C9: variants seen among roughly 807,000 people sequenced by gnomAD.
The protein encoded by C9 is complement C9, also known as complement component C9.
A neutral mutation model predicts 65.4 loss-of-function variants in C9; 63 were observed. The ratio of observed to expected loss-of-function variants is 0.96; its 90% CI spans 0.79 to 1.19. The LOEUF is 1.19. Among genes scored for constraint, C9 ranks in the 50% most tolerant of loss-of-function variants. The pLI, the probability that C9 is intolerant of heterozygous loss-of-function variation, is 0.00. For missense variants in C9, 744 were observed against 670.1 expected (o/e 1.11, Z -1.22); for synonymous variants, 229 against 227.9 (o/e 1.00, Z -0.04).
At chr5:39,296,737 G>A (rs1421459718) in intron 9 of C9, among the ~76,000 whole-genome samples, 1 of 151,362 alleles carries the variant, frequency 6.6e-6, no homozygotes, top group Non-Finnish European at 1.5e-5. Flanking sequence ...GTACACAATG[G>A]AATACTATTA....
rs1754578434 is a variant in C9, at chr5:39,364,390, G to A, written c.75C>T (p.Thr25=). 6.4e-7 allele frequency: 1 copy of A among 1,572,388 alleles called. No individual in the cohort carries two copies. Among genetic ancestry groups the A allele is most frequent in the African/African-American group, 1.3e-5 (1 of 74,288 alleles). ...EISILTAQYT[T]SYDPELTESS... ...AAGCAGAAAAGTAACTGACTCACCTGGTCGTGTACTGTGCTGTGAGGATGC... is the reference window on the plus strand; with the variant it reads ...AAGCAGAAAAGTAACTGACTCACCTAGTCGTGTACTGTGCTGTGAGGATGC... Residue 25 remains threonine, a splice_region_variant and synonymous_variant, in exon 1 of 11, where the codon ACC becomes ACT. Coordinates refer to ENST00000263408, the MANE Select transcript of C9 (RefSeq NM_001737.5).
In C9 at chr5:39,331,742, C is replaced by G; in HGVS notation, c.549G>C (p.Arg183=). ...ATGTCAGAGTGTTTCCATCCCGATC[C>G]CGGTTACAGAGTCCATTGTAGAACT... ...DNEFYNGLCN[R]DRDGNTLTYY... is the part of the protein sequence containing the mutation. Residue 183 remains arginine (R), a synonymous_variant, in exon 5 of 11, where the codon CGG becomes CGC. Coordinates refer to ENST00000263408, the MANE Select transcript of C9 (RefSeq NM_001737.5). 6.2e-7 allele frequency: 1 copy of G among 1,613,446 alleles called. No individual in the cohort carries two copies. The highest frequency in any genetic ancestry group is 8.5e-7 in the Non-Finnish European group (1 of 1,179,398).
intron 1 of C9, among the ~76,000 whole-genome samples, chr5:39,350,752 A>G (rs1165221400): frequency 6.6e-6 from 1 of 152,180 alleles, no homozygotes; most frequent in Admixed American, 6.5e-5. Context: ...CGCTGCCTGT[A>G]TAGACCCTGC....
At chr5:39,297,712 A>C (rs1201951077) in intron 9 of C9, among the ~76,000 whole-genome samples, 4 of 151,710 alleles carry the variant, frequency 2.6e-5, no homozygotes, top group Non-Finnish European at 5.9e-5. Flanking sequence ...TTTAAAATAC[A>C]TAAAGCTCAA....
rs545968046 is a variant in C9, at chr5:39,307,111, T to A, written c.1241-319A>T. ...CACGGGAACTAAATATGACTTTGGG[T>A]GTAATATATATTTTCTTTTGCAAAC... On this transcript the variant is annotated intron_variant, in intron 8 of 10. Coordinates refer to ENST00000263408, the MANE Select transcript of C9 (RefSeq NM_001737.5). Among the ~76,000 whole-genome samples, 6 of 152,298 alleles carry A rather than the reference T, an allele frequency of 3.9e-5. No homozygotes were observed. In the East Asian group the frequency reaches 7.7e-4, roughly 20 times the overall value.
In C9 at chr5:39,334,025, G is replaced by A. The variant is rs906823463; in HGVS notation, c.477-2211C>T. 5.9e-5 allele frequency among the ~76,000 whole-genome samples: 9 copies of A among 151,768 alleles called. No individual in the cohort carries two copies. In the South Asian group the frequency reaches 6.2e-4, roughly 11 times the overall value. ...AGTGCCGAGATTGCAGCCTCTGCCC[G>A]GCCGCCACCCCGTCTGGGAAGTGAG... is the stretch of plus-strand genomic sequence containing the variant. On this transcript the variant is annotated intron_variant, in intron 4 of 10. Transcript: ENST00000263408.
At chr5:39,286,913 G>T (rs1353108994) in intron 10 of C9, among the ~76,000 whole-genome samples, 1 of 151,924 alleles carries the variant, frequency 6.6e-6, no homozygotes, top group East Asian at 1.9e-4. Context: ...AATTTATATT[G>T]TAAGAGATGA....
chr5:39,295,351 T>C (rs547652412), intron 9 of C9, among the ~76,000 whole-genome samples: 2 of 151,828 alleles, frequency 1.3e-5, no homozygotes, highest in African/African-American at 2.4e-5. Context: ...CAATCGACTT[T>C]AGTAAATCTG....
intron 10 of C9, among the ~76,000 whole-genome samples, chr5:39,288,049 CA>C (rs1753023667): frequency 6.6e-6 from 1 of 151,726 alleles, no homozygotes; most frequent in Admixed American, 6.6e-5. Flanking sequence ...TCTCAGCTTT[CA>C]AAAACACAAA....
At chr5:39,329,211 C>G (rs16868643) in intron 5 of C9, among the ~76,000 whole-genome samples, 4,550 of 152,120 alleles carry the variant, frequency 0.03, 207 homozygotes, top group African/African-American at 0.1. Flanking sequence ...TTGGTCATTA[C>G]TGCTAATTTA....
intron 9 of C9, among the ~76,000 whole-genome samples, chr5:39,296,480 T>C (rs1368833879): frequency 6.6e-6 from 1 of 151,486 alleles, no homozygotes; most frequent in Non-Finnish European, 1.5e-5. Flanking sequence ...AAAAAGGAAC[T>C]CATAACACTG....
Position 39,285,243 on chromosome 5 carries a change from A to G in C9, c.1646-10T>C, listed in dbSNP as rs1336740355. On this transcript the variant is annotated splice_polypyrimidine_tract_variant and intron_variant, in intron 10 of 10. Transcript: ENST00000263408. ...TCTAGGGCTGGCAATCCTAGAGAAA[A>G]CAAATAAGTATCAAATCTTAATCAT... 1.8e-5 allele frequency: 29 copies of G among 1,610,084 alleles called. No homozygotes were observed. Among genetic ancestry groups the G allele is most frequent in the Admixed American group, 3.3e-5 (2 of 59,904 alleles).
At chr5:39,346,273 G>A (rs1754192503) in intron 1 of C9, among the ~76,000 whole-genome samples, 1 of 152,056 alleles carries the variant, frequency 6.6e-6, no homozygotes, top group Non-Finnish European at 1.5e-5. Context: ...TAGACCACTA[G>A]CAAGACTAAT....
In C9 at chr5:39,311,515, G is replaced by A. The variant is rs73749497; in HGVS notation, c.871-138C>T. On this transcript the variant is annotated intron_variant, in intron 6 of 10. Transcript: ENST00000263408. The stretch of plus-strand genomic sequence containing the variant: ...GAGATACCACTCTAATCCACCAGAA[G>A]GGCTAAATGTAAAATACTATCAACA... 5.6e-4 allele frequency: 423 copies of A among 752,906 alleles called. 1 individual carries two copies. In the African/African-American group the frequency reaches 6.4e-3, roughly 11 times the overall value. 46.6% of individuals were successfully genotyped at this position (752,906 alleles called of 1,614,324 possible). A position where few individuals can be genotyped will look rare whatever the true frequency, so the allele number is the denominator to read the frequency against.
At position 39,299,544 on chromosome 5, in the gene C9, C is replaced by T. The variant is rs558618815; in HGVS notation, c.1416+7073G>A. Among the ~76,000 whole-genome samples the T allele has an allele frequency of 1.8e-4, 27 of 152,094 alleles. No individual in the cohort carries two copies. The South Asian group carries it at 5.6e-3, about 32-fold the overall frequency. ...GAACTACTCATACATACAAGAATGT[C>T]GATGTGTGAATGTGGATGGATCTCA... On this transcript the variant is annotated intron_variant, in intron 9 of 10. Transcript: ENST00000263408.
chr5:39,286,718 GA>G (rs1752997610), intron 10 of C9, among the ~76,000 whole-genome samples: 1 of 82,580 alleles, frequency 1.2e-5, no homozygotes, highest in Non-Finnish European at 3.5e-5. Flanking sequence ...TGGAGAGTGA[GA>G]GTTTTTTTTG....
chr5:39,332,477 T>G (rs548820170), intron 4 of C9, among the ~76,000 whole-genome samples: 103 of 152,374 alleles, frequency 6.8e-4, no homozygotes, highest in African/African-American at 1.7e-3. Context: ...TTCATAAATA[T>G]AAATTTTATT....
chr5:39,336,485 T>C (rs1294431718), intron 4 of C9, among the ~76,000 whole-genome samples: 1 of 152,178 alleles, frequency 6.6e-6, no homozygotes, highest in Non-Finnish European at 1.5e-5. Context: ...TATTAAAAAT[T>C]CTTTATTAAT....
At chr5:39,302,392 A>C (rs1327749245) in intron 9 of C9, among the ~76,000 whole-genome samples, 1 of 152,134 alleles carries the variant, frequency 6.6e-6, no homozygotes, top group Non-Finnish European at 1.5e-5. Flanking sequence ...TTTAATAATA[A>C]ATAGGTGGAG....
Sources: allele counts gnomAD v4.1 joint callset (sites outside exome capture counted in the v4.1 genomes callset), GRCh38; gene constraint gnomAD v4.1.1; transcripts MANE v1.5; gene names NCBI Gene and HGNC (gene_info 2026-07-23, HGNC 2026-07-21).